HLTF: variants seen among roughly 807,000 people sequenced by gnomAD.
HLTF encodes the protein helicase like transcription factor, also known as DNA-dependent ATPase/E3 ubiquitin-protein ligase HLTF.
HLTF carries 127 observed loss-of-function variants against 129.4 expected under a neutral mutation model. The observed-to-expected ratio is 0.98, with a 90% confidence interval of 0.85 to 1.14. The LOEUF (loss-of-function observed/expected upper bound fraction) is 1.14, where lower values mean the gene tolerates loss of function less well. Among genes scored for constraint, HLTF ranks in the 50% most tolerant of loss-of-function variants. HLTF has a pLI of 0.00. For missense variants in HLTF, 1,139 were observed against 1,187.1 expected (o/e 0.96, Z 0.60); for synonymous variants, 332 against 388.8 (o/e 0.85, Z 1.72).
chr3:149,056,590 C>G (rs562976746), intron 13 of HLTF, among the ~76,000 whole-genome samples: 1 of 152,112 alleles, frequency 6.6e-6, no homozygotes, highest in Non-Finnish European at 1.5e-5. Context: ...CCAAGACCCT[C>G]AATAGATACT....
intron 14 of HLTF, chr3:149,052,186 A>G (rs1416234942): frequency 6.6e-6 from 1 of 151,950 alleles, no homozygotes; most frequent in African/African-American, 2.4e-5. Flanking sequence ...TCCAGCAAAG[A>G]AAAAAAGGAA....
intron 14 of HLTF, among the ~76,000 whole-genome samples, chr3:149,052,880 G>T (rs1717114126): frequency 6.6e-6 from 1 of 152,188 alleles, no homozygotes; most frequent in South Asian, 2.1e-4. Context: ...AGCTTTTCTG[G>T]AGAATAAAGG....
In HLTF at chr3:149,032,358, G is replaced by A; in HGVS notation, c.2892C>T (p.Asp964=). 2.0e-6 allele frequency: 3 copies of A among 1,535,684 alleles called. No homozygotes were observed. The Admixed American group carries it at 6.2e-5, about 32-fold the overall frequency. ...TTTTCAGCATATTTTCTTCAACAGA[G>A]TCCTTTACAATGAACTTTAAAAAGA... ...EVIITKFIVK[D]SVEENMLKIQ... The change falls in exon 25 of 25, where the codon GAC becomes GAT. Residue 964 remains aspartate, a synonymous_variant. Transcript: ENST00000310053.
chr3:149,081,396 A>T (rs1380066394), intron 2 of HLTF, among the ~76,000 whole-genome samples: 1 of 152,116 alleles, frequency 6.6e-6, no homozygotes, highest in Admixed American at 6.5e-5. Flanking sequence ...TTAAAGATTA[A>T]AAGATTAAAT....
Position 149,039,702 on chromosome 3 carries a change from A to C in HLTF, c.2503-9T>G. On this transcript the variant is annotated splice_polypyrimidine_tract_variant and intron_variant, in intron 21 of 24. Transcript: ENST00000310053. ...TGCATTAGCGCATTAATCTGCAAAA[A>C]ATATTAAGATGTCCATTAGATTCCA... is the stretch of plus-strand genomic sequence containing the variant. The C allele has an allele frequency of 7.2e-7, 1 of 1,385,180 alleles. No individual in the cohort carries two copies. The highest frequency in any genetic ancestry group is 1.0e-6 in the Non-Finnish European group (1 of 999,296). 85.8% of individuals were successfully genotyped at this position (1,385,180 alleles called of 1,614,324 possible).
In HLTF at chr3:149,071,296, G is replaced by A. The variant is rs2108044925; in HGVS notation, c.850C>T (p.Pro284Ser). Reference protein sequence around the residue: ...TITNFSEKDRPENVHGGILAD... With the variant: ...TITNFSEKDRSENVHGGILAD... Reference sequence around the variant, plus strand: ...AAAATTCCTCCATGGACATTTTCTGGTCGGTCCTTCTCAGAAAAATTTGTT... The same window carrying A: ...AAAATTCCTCCATGGACATTTTCTGATCGGTCCTTCTCAGAAAAATTTGTT... Residue 284 changes from proline to serine, a missense_variant, in exon 7 of 25, where the codon CCA (proline) becomes TCA (serine). Pro to Ser is a moderately conservative substitution (Grantham distance 74). Coordinates refer to ENST00000310053, the MANE Select transcript of HLTF (RefSeq NM_003071.4). 6.2e-7 allele frequency: 1 copy of A among 1,605,826 alleles called. No individual in the cohort carries two copies. Among genetic ancestry groups the A allele is most frequent in the East Asian group, 2.2e-5 (1 of 44,728 alleles).
rs1430176245 is a variant in HLTF, at chr3:149,030,940, C to T, written c.*1280G>A. 1 of 152,148 alleles carries T rather than the reference C, an allele frequency of 6.6e-6. No individual in the cohort carries two copies. Among genetic ancestry groups the T allele is most frequent in the Non-Finnish European group, 1.5e-5 (1 of 68,022 alleles). The allele number at this position is 152,148 out of a possible 1,614,324, so 9.4% of individuals were successfully genotyped here. On this transcript the variant is annotated 3_prime_UTR_variant, in exon 25 of 25. Coordinates refer to ENST00000310053, the MANE Select transcript of HLTF (RefSeq NM_003071.4). ...TCTCATCTTTCTATCAAATGACTTC[C>T]AACACTCTTAAGTCTCAGGTATTCT...
chr3:149,056,630 T>C (rs974981532), intron 13 of HLTF, among the ~76,000 whole-genome samples: 3 of 152,200 alleles, frequency 2.0e-5, no homozygotes, highest in African/African-American at 2.4e-5. Context: ...AAACCCTATA[T>C]ATAATGTTTT....
At chr3:149,072,987 CGTGT>C (rs1719003703) in intron 5 of HLTF, among the ~76,000 whole-genome samples, 1 of 152,046 alleles carries the variant, frequency 6.6e-6, no homozygotes, top group Admixed American at 6.6e-5. Flanking sequence ...TAAACAGGAA[CGTGT>C]GTGTTTTGTA....
At chr3:149,034,287 T>C (rs1715382680) in intron 24 of HLTF, among the ~76,000 whole-genome samples, 1 of 152,206 alleles carries the variant, frequency 6.6e-6, no homozygotes, top group South Asian at 2.1e-4. Context: ...AAGATTTATA[T>C]ATAATAATGC....
chr3:149,080,020 G>T (rs1392441944), intron 2 of HLTF, among the ~76,000 whole-genome samples: 1 of 151,732 alleles, frequency 6.6e-6, no homozygotes, highest in Non-Finnish European at 1.5e-5. Flanking sequence ...AAAGAAACAA[G>T]GGAATTAAAA....
intron 14 of HLTF, 75 bp downstream of exon 14, chr3:149,055,226 ACT>A: frequency 1.0e-6 from 1 of 958,908 alleles, no homozygotes; most frequent in Non-Finnish European, 1.6e-6. Context: ...CCAATGAATG[ACT>A]CTTTAACAGA....
intron 5 of HLTF, among the ~76,000 whole-genome samples, 181 bp from the exon 6 acceptor site, chr3:149,071,838 G>A (rs139349759): frequency 3.4e-4 from 52 of 152,284 alleles, no homozygotes; most frequent in African/African-American, 1.1e-3. Flanking sequence ...CTTGAGCTCA[G>A]GAGTTTGAGA....
At chr3:149,068,942 G>A (rs542429504) in intron 7 of HLTF, among the ~76,000 whole-genome samples, 2 of 152,250 alleles carry the variant, frequency 1.3e-5, no homozygotes, top group Non-Finnish European at 2.9e-5. Flanking sequence ...AGGCCACTGG[G>A]GATGGGGAGG....
In HLTF at chr3:149,050,356, A is replaced by G; in HGVS notation, c.1493T>C (p.Ile498Thr). The change falls in exon 15 of 25, where the codon ATA becomes ACA. Residue 498 changes from isoleucine to threonine, a missense_variant. Coordinates refer to ENST00000310053, the MANE Select transcript of HLTF (RefSeq NM_003071.4). ...AAAATTCAAGTGTACATCTGATTTT[A>G]TATGTTGTCCAAACTGGTCCTAAAG... ...SNWIDQFGQH[I>T]KSDVHLNFYV... 1 of 1,588,784 alleles carries G rather than the reference A, an allele frequency of 6.3e-7. No homozygotes were observed. The highest frequency in any genetic ancestry group is 1.1e-5 in the South Asian group (1 of 87,086).
chr3:149,084,974 T>C (rs1272323216), intron 1 of HLTF, 85 bp from the exon 2 acceptor site: 2 of 902,504 alleles, frequency 2.2e-6, no homozygotes, highest in East Asian at 5.2e-5. Context: ...ATGCTTTACT[T>C]CAGCAAATGA....
In HLTF at chr3:149,046,176, G is replaced by T; in HGVS notation, c.1976C>A (p.Pro659Gln). ...GTGCTGAATAAATACTTTACGTTCT[G>T]GTAACTCCAAAACAGGTTTTCCTTT... ...KIKGKPVLEL[P>Q]ERKVFIQHIT... Residue 659 changes from proline to glutamine, a missense_variant, in exon 18 of 25, where the codon CCA becomes CAA. Transcript: ENST00000310053. The T allele has an allele frequency of 6.2e-7, 1 of 1,607,752 alleles. No homozygotes were observed. The highest frequency in any genetic ancestry group is 1.7e-5 in the Admixed American group (1 of 59,530).
chr3:149,033,759 A>C (rs999799733), intron 24 of HLTF, among the ~76,000 whole-genome samples: 7 of 152,114 alleles, frequency 4.6e-5, no homozygotes, highest in African/African-American at 1.7e-4. Flanking sequence ...AAAAAATAAA[A>C]TCTTCCAAAA....
intron 8 of HLTF, among the ~76,000 whole-genome samples, chr3:149,065,854 T>C (rs1335104534): frequency 2.0e-5 from 3 of 152,140 alleles, no homozygotes; most frequent in African/African-American, 7.2e-5. Flanking sequence ...ACAATATTTT[T>C]AGAGATACGT....
Sources: gnomAD v4.1 joint callset for allele counts (sites outside exome capture counted in the v4.1 genomes callset) on GRCh38, gnomAD v4.1.1 for gene constraint, MANE v1.5 for transcripts, NCBI Gene and HGNC (gene_info 2026-07-23, HGNC 2026-07-21) for gene names.